Variants in PPARGC1A observed in about 807,000 individuals in gnomAD.
PPARGC1A encodes the protein peroxisome proliferator-activated receptor gamma coactivator 1-alpha.
Under a neutral mutation model 88.7 loss-of-function variants are expected in PPARGC1A, and 25 were observed. The observed-to-expected ratio is 0.28, with a 90% confidence interval of 0.21 to 0.39. The LOEUF (loss-of-function observed/expected upper bound fraction) is 0.39, where lower values mean the gene tolerates loss of function less well. Ranked by LOEUF, PPARGC1A falls within the 10% of genes least tolerant of loss-of-function variation. The pLI is 1.00. For missense variants in PPARGC1A, 880 were observed against 968.7 expected, an observed-to-expected ratio of 0.91 and a Z score of 1.22; for synonymous variants, 363 against 355.6, an observed-to-expected ratio of 1.02 and a Z score of -0.24.
At chr4:23,805,230 G>GAA (rs202037885) in intron 10 of PPARGC1A, among the ~76,000 whole-genome samples, 32 of 138,848 alleles carry the variant, frequency 2.3e-4, no homozygotes, top group African/African-American at 5.6e-4. Context: ...TTTTATCACA[G>GAA]AAAAAAAAAA....
chr4:23,979,335 T>C, the PPARGC1A span, among the ~76,000 whole-genome samples: 2 of 152,200 alleles, frequency 1.3e-5, no homozygotes, highest in African/African-American at 4.8e-5. Context: ...ATAAATGTTA[T>C]GCAGACAAAG....
At chr4:24,382,887 T>G in the PPARGC1A span, among the ~76,000 whole-genome samples, 3 of 152,300 alleles carry the variant, frequency 2.0e-5, no homozygotes, top group South Asian at 6.2e-4. Flanking sequence ...TGAGCTCTGC[T>G]AAGGGACAGA....
At chr4:23,873,088 C>A (rs1713790620) in intron 2 of PPARGC1A, among the ~76,000 whole-genome samples, 1 of 151,852 alleles carries the variant, frequency 6.6e-6, no homozygotes, top group Non-Finnish European at 1.5e-5. Context: ...CAGCTACTCA[C>A]TCAGGAGGCT....
chr4:24,048,441 T>A, the PPARGC1A span, among the ~76,000 whole-genome samples: 1 of 152,196 alleles, frequency 6.6e-6, no homozygotes, highest in South Asian at 2.1e-4. Flanking sequence ...ATGGTCACAA[T>A]GAATTTTTGA....
the PPARGC1A span, among the ~76,000 whole-genome samples, chr4:24,095,971 T>C: frequency 1.2e-4 from 19 of 152,254 alleles, no homozygotes; most frequent in South Asian, 3.7e-3. Context: ...TTGGAAAGGA[T>C]CTATTCAAAC....
At chr4:23,873,221 A>AAAAAAG (rs1297257881) in intron 2 of PPARGC1A, among the ~76,000 whole-genome samples, 65 of 142,418 alleles carry the variant, frequency 4.6e-4, no homozygotes, top group African/African-American at 1.7e-3. Context: ...AAAAAATAAA[A>AAAAAAG]AATAAAGAAA....
At chr4:24,342,395 G>T in the PPARGC1A span, among the ~76,000 whole-genome samples, 4 of 152,098 alleles carry the variant, frequency 2.6e-5, no homozygotes, top group African/African-American at 9.7e-5. Flanking sequence ...GCTAATAGAG[G>T]TTAGGGAATT....
intron 1 of PPARGC1A, 79 bp downstream of exon 1, chr4:23,889,825 C>A: frequency 6.5e-7 from 1 of 1,549,964 alleles, no homozygotes; most frequent in Non-Finnish European, 8.8e-7. Context: ...TTGCCCAAGC[C>A]CATCCCCCCT....
chr4:24,260,344 A>G, the PPARGC1A span, among the ~76,000 whole-genome samples: 1 of 152,200 alleles, frequency 6.6e-6, no homozygotes, highest in African/African-American at 2.4e-5. Flanking sequence ...GCAAAGAAAG[A>G]TGCCACATCA....
chr4:24,103,188 A>G, the PPARGC1A span, among the ~76,000 whole-genome samples: 1 of 152,054 alleles, frequency 6.6e-6, no homozygotes, highest in South Asian at 2.1e-4. Context: ...AAGTTCCAAA[A>G]CTTTTCATGG....
chr4:23,872,253 A>T (rs59565980), intron 2 of PPARGC1A, among the ~76,000 whole-genome samples: 325 of 152,296 alleles, frequency 2.1e-3, no homozygotes, highest in African/African-American at 7.5e-3. Context: ...AGACTTGCAC[A>T]CTGGTTAAAG....
chr4:24,364,944 G>T, the PPARGC1A span, among the ~76,000 whole-genome samples: 2 of 152,166 alleles, frequency 1.3e-5, no homozygotes, highest in Admixed American at 1.3e-4. Flanking sequence ...AATAGCAGAT[G>T]AATGAATTAT....
chr4:24,202,228 T>C, the PPARGC1A span, among the ~76,000 whole-genome samples: 2 of 152,200 alleles, frequency 1.3e-5, no homozygotes, highest in Non-Finnish European at 2.9e-5. Flanking sequence ...AGGATGTTTC[T>C]AGTTTCACTG....
At chr4:24,040,287 G>A in the PPARGC1A span, among the ~76,000 whole-genome samples, 1 of 152,176 alleles carries the variant, frequency 6.6e-6, no homozygotes, top group African/African-American at 2.4e-5. Flanking sequence ...GCATTTTAAT[G>A]TGCAAATATT....
chr4:24,087,203 C>A, the PPARGC1A span, among the ~76,000 whole-genome samples: 2 of 152,202 alleles, frequency 1.3e-5, no homozygotes, highest in East Asian at 3.9e-4. Context: ...CTAGCCAGCG[C>A]TGGAACTTGG....
chr4:24,198,692 T>C, the PPARGC1A span, among the ~76,000 whole-genome samples: 1 of 152,106 alleles, frequency 6.6e-6, no homozygotes, highest in African/African-American at 2.4e-5. Context: ...GCAGGATGTT[T>C]ATTTGAGTTG....
the PPARGC1A span, among the ~76,000 whole-genome samples, chr4:24,234,073 C>T: frequency 6.6e-6 from 1 of 152,088 alleles, no homozygotes; most frequent in Admixed American, 6.5e-5. Context: ...AAATCCAGTG[C>T]GGTTTAGAAC....
the PPARGC1A span, among the ~76,000 whole-genome samples, chr4:23,945,462 C>G: frequency 2.0e-5 from 3 of 152,192 alleles, no homozygotes; most frequent in Admixed American, 2.0e-4. Context: ...AGCTGAAGAA[C>G]CACTTAGTAA....
the PPARGC1A span, among the ~76,000 whole-genome samples, chr4:24,305,557 A>C: frequency 6.6e-6 from 1 of 152,190 alleles, no homozygotes; most frequent in African/African-American, 2.4e-5. Context: ...TCATGCCTGT[A>C]ATCCCAGCAC....
Sources: gnomAD v4.1 joint callset for allele counts (sites outside exome capture counted in the v4.1 genomes callset) on GRCh38, gnomAD v4.1.1 for gene constraint, MANE v1.5 for transcripts, NCBI Gene and HGNC (gene_info 2026-07-23, HGNC 2026-07-21) for gene names.